IARS2: variants seen among roughly 807,000 people sequenced by gnomAD.
IARS2 encodes isoleucine--tRNA ligase, mitochondrial.
IARS2 carries 56 observed loss-of-function variants against 126.3 expected under a neutral mutation model. The ratio of observed to expected loss-of-function variants is 0.44; its 90% confidence interval spans 0.36 to 0.55. The LOEUF (loss-of-function observed/expected upper bound fraction) is 0.55, where lower values mean the gene tolerates loss of function less well. IARS2 is among the 20% of genes least tolerant of loss of function. The pLI is 0.00. For synonymous variants in IARS2, 407 were observed against 441.1 expected, an observed-to-expected ratio of 0.92 and a Z score of 0.97; for missense variants, 1,127 against 1,245.9, an observed-to-expected ratio of 0.90 and a Z score of 1.44.
Position 220,142,948 on chromosome 1 carries a change from C to T in IARS2, c.2565C>T (p.Pro855=), listed in dbSNP as rs892442402. ...ACTATTTTTGTTCTTCTGAAGAGCC[C>T]AAGAGTGTTTTCCGTACTGGGTGGA... ...VFQHIPYIKE[P]KSVFRTGWIS... Residue 855 remains proline, a synonymous_variant, in exon 21 of 23, where the codon CCC becomes CCT. Coordinates refer to ENST00000366922, the MANE Select transcript of IARS2 (RefSeq NM_018060.4). 2 of 1,606,086 alleles carry T rather than the reference C, an allele frequency of 1.2e-6. No homozygotes were observed. Among genetic ancestry groups the T allele is most frequent in the Non-Finnish European group, 1.7e-6 (2 of 1,174,814 alleles).
intron 3 of IARS2, among the ~76,000 whole-genome samples, chr1:220,101,386 A>G (rs994537528): frequency 6.6e-6 from 1 of 152,212 alleles, no homozygotes; most frequent in Admixed American, 6.5e-5. Context: ...TGACCTTCAA[A>G]TTATTTTTCT....
rs1657166047 is a variant in IARS2 at position 220,126,851 on chromosome 1, TTAAAAA to T, written c.1837+11_1837+16del. The T allele has an allele frequency of 6.3e-7, 1 of 1,584,768 alleles. No homozygotes were observed. On this transcript the variant is annotated intron_variant, in intron 14 of 22. Coordinates refer to ENST00000366922, the MANE Select transcript of IARS2 (RefSeq NM_018060.4). ...GGTCTTATGTTCTTCCAGGTAATTC[TTAAAAA>T]TAGATATATGCCGATCAAGAAGTTT... is the stretch of plus-strand genomic sequence containing the variant.
rs190247950 is a variant in IARS2 at position 220,100,219 on chromosome 1, C to G, written c.391-271C>G. On this transcript the variant is annotated intron_variant, in intron 2 of 22. Coordinates refer to ENST00000366922, the MANE Select transcript of IARS2 (RefSeq NM_018060.4). ...ACCACAATATTCCATTCTCTGAGTA[C>G]ACTGTAAGTTCTGCAATGGTTTGAT... Among the ~76,000 whole-genome samples, 47 of 152,270 alleles carry G rather than the reference C, an allele frequency of 3.1e-4. No homozygotes were observed. The East Asian group carries it at 8.1e-3, about 26-fold the overall frequency.
chr1:220,130,776 G>A (rs1657244046), intron 14 of IARS2, among the ~76,000 whole-genome samples: 1 of 152,042 alleles, frequency 6.6e-6, no homozygotes, highest in Non-Finnish European at 1.5e-5. Context: ...CCAGGATGGG[G>A]TAGGGGTTTA....
chr1:220,147,854 T>TATC lies in IARS2; in HGVS notation c.*220_*222dup, dbSNP rs1657639687. On this transcript the variant is annotated 3_prime_UTR_variant, in exon 23 of 23. Coordinates refer to ENST00000366922, the MANE Select transcript of IARS2 (RefSeq NM_018060.4). Reference sequence around the variant, plus strand: ...ATGCAGAAATATATATGTGTGTGTGTATCTGTGGATGGATATATGTATATC... The same window carrying TATC: ...ATGCAGAAATATATATGTGTGTGTGTATCATCTGTGGATGGATATATGTATATC... 1.9e-6 allele frequency: 1 copy of TATC among 532,446 alleles called. No individual in the cohort carries two copies. The highest frequency in any genetic ancestry group is 3.3e-6 in the Non-Finnish European group (1 of 301,268). 33.0% of individuals were successfully genotyped at this position (532,446 alleles called of 1,614,324 possible). A position where few individuals can be genotyped will look rare whatever the true frequency, so the allele number is the denominator to read the frequency against.
intron 12 of IARS2, 148 bp downstream of exon 12, chr1:220,114,622 C>A (rs1173987990): frequency 3.3e-6 from 2 of 597,918 alleles, no homozygotes; most frequent in Non-Finnish European, 5.8e-6. Context: ...AATATAAGTT[C>A]AAAACAATTC....
At position 220,102,244 on chromosome 1, in the gene IARS2, A is replaced by G. The variant is rs1304338386; in HGVS notation, c.666A>G (p.Lys222=). The change falls in exon 4 of 23, where the codon AAA becomes AAG. Residue 222 remains lysine, a synonymous_variant. Coordinates refer to ENST00000366922, the MANE Select transcript of IARS2 (RefSeq NM_018060.4). ...YYTFDGKYEA[K]QLRTFYQMYD... ...CATTTGATGGGAAGTATGAAGCCAA[A>G]CAGTTGAGAACTTTTTACCAAATGT... is the stretch of plus-strand genomic sequence containing the variant. 1.6e-5 allele frequency: 26 copies of G among 1,608,684 alleles called. No homozygotes were observed. The highest frequency in any genetic ancestry group is 2.0e-5 in the Non-Finnish European group (24 of 1,178,858).
intron 19 of IARS2, among the ~76,000 whole-genome samples, chr1:220,140,951 TTC>T (rs1331652683): frequency 1.3e-5 from 2 of 148,846 alleles, no homozygotes; most frequent in African/African-American, 5.0e-5. Flanking sequence ...GACACTGCAC[TTC>T]AGCCTGGGCG....
chr1:220,102,373 A>T lies in IARS2; in HGVS notation c.710A>T (p.Tyr237Phe). The change falls in exon 5 of 23, where the codon TAT (tyrosine) becomes TTT (phenylalanine). Residue 237 changes from tyrosine (Y) to phenylalanine (F), a missense_variant. Coordinates refer to ENST00000366922, the MANE Select transcript of IARS2 (RefSeq NM_018060.4). ...FYQMYDKGLV[Y>F]RSYKPVFWSP... ...TTTTGTCTTTTATAGGGCTTGGTTT[A>T]TCGATCTTACAAACCTGTGTTTTGG... The T allele has an allele frequency of 6.2e-7, 1 of 1,613,830 alleles. No individual in the cohort carries two copies.
At position 220,147,645 on chromosome 1, in the gene IARS2, C is replaced by G. The variant is rs776310019; in HGVS notation, c.*10C>G. ...TGTCAGTGGAAAATAGTATTAACAGCTCACTCGAGCAAGAACCCTCCTGAC... is the reference window on the plus strand; with the variant it reads ...TGTCAGTGGAAAATAGTATTAACAGGTCACTCGAGCAAGAACCCTCCTGAC... On this transcript the variant is annotated 3_prime_UTR_variant, in exon 23 of 23. Transcript: ENST00000366922. 1 of 1,613,432 alleles carries G rather than the reference C, an allele frequency of 6.2e-7. No individual in the cohort carries two copies. Among genetic ancestry groups the G allele is most frequent in the Non-Finnish European group, 8.5e-7 (1 of 1,179,646 alleles).
intron 2 of IARS2, among the ~76,000 whole-genome samples, chr1:220,097,004 C>T (rs1196266504): frequency 2.0e-5 from 3 of 151,708 alleles, no homozygotes; most frequent in Non-Finnish European, 2.9e-5. Flanking sequence ...CGAGATCGCG[C>T]CACTGCACTC....
chr1:220,111,016 G>T (rs941388445), intron 11 of IARS2, 79 bp downstream of exon 11: 1 of 1,343,208 alleles, frequency 7.4e-7, no homozygotes, highest in South Asian at 1.4e-5. Flanking sequence ...GGTTGAGGTG[G>T]GGTTTCAGGA....
chr1:220,142,714 T>C (rs558562337), intron 20 of IARS2, among the ~76,000 whole-genome samples: 19 of 152,314 alleles, frequency 1.2e-4, no homozygotes, highest in South Asian at 6.2e-4. Context: ...CATCCTTTTT[T>C]TCTTTGAGAT....
At position 220,147,693 on chromosome 1, in the gene IARS2, G is replaced by T; in HGVS notation, c.*58G>T. 1 of 1,564,672 alleles carries T rather than the reference G, an allele frequency of 6.4e-7. No homozygotes were observed. Among genetic ancestry groups the T allele is most frequent in the Non-Finnish European group, 8.7e-7 (1 of 1,146,644 alleles). The stretch of plus-strand genomic sequence containing the variant: ...GACAGTACTGGCTAGAAGTTTGGAT[G>T]GATTATTTACAATATAGGAAAGAAA... On this transcript the variant is annotated 3_prime_UTR_variant, in exon 23 of 23. Transcript: ENST00000366922.
intron 12 of IARS2, among the ~76,000 whole-genome samples, chr1:220,119,502 ATT>A (rs932070069): frequency 1.3e-5 from 2 of 152,054 alleles, no homozygotes; most frequent in African/African-American, 4.8e-5. Context: ...ATTTTCCTGC[ATT>A]TTTTTCTGAA....
intron 14 of IARS2, among the ~76,000 whole-genome samples, chr1:220,134,168 C>A (rs1023601955): frequency 1.3e-5 from 2 of 152,140 alleles, no homozygotes; most frequent in Non-Finnish European, 1.5e-5. Context: ...AGAAAGGATA[C>A]TGTGTTTATT....
At chr1:220,113,299 TG>T (rs1437518725) in intron 11 of IARS2, among the ~76,000 whole-genome samples, 1 of 152,198 alleles carries the variant, frequency 6.6e-6, no homozygotes, top group Non-Finnish European at 1.5e-5. Context: ...TTAATCAAAT[TG>T]ATTTGTAGAG....
intron 8 of IARS2, 87 bp from the exon 9 acceptor site, chr1:220,105,804 C>T (rs931022499): frequency 3.9e-5 from 45 of 1,144,278 alleles, no homozygotes; most frequent in Non-Finnish European, 5.5e-5. Context: ...AGATTCTGCA[C>T]ATTTAACCTG....
chr1:220,112,971 C>A (rs1484897034), intron 11 of IARS2, among the ~76,000 whole-genome samples: 1 of 152,216 alleles, frequency 6.6e-6, no homozygotes, highest in Non-Finnish European at 1.5e-5. Flanking sequence ...TCAAGCAATT[C>A]CCTGCCTAAG....
Sources: gnomAD v4.1 joint callset for allele counts (sites outside exome capture counted in the v4.1 genomes callset) on GRCh38, gnomAD v4.1.1 for gene constraint, MANE v1.5 for transcripts, NCBI Gene and HGNC (gene_info 2026-07-23, HGNC 2026-07-21) for gene names.